LY75: variants seen among roughly 807,000 people sequenced by gnomAD.
The protein encoded by LY75 is C-type lectin domain family 13 member B.
In LY75, 185 loss-of-function variants were observed where a neutral mutation model predicts 231.7. That is an observed-to-expected ratio of 0.80 (90% CI 0.71 to 0.90). The LOEUF (loss-of-function observed/expected upper bound fraction) is 0.90, where lower values mean the gene tolerates loss of function less well. Among genes scored for constraint, LY75 ranks in the 40% least tolerant of loss-of-function variants. The pLI is 0.00. For synonymous variants in LY75, 668 were observed against 689.0 expected, an observed-to-expected ratio of 0.97 and a Z score of 0.48; for missense variants, 1,947 against 2,050.2, an observed-to-expected ratio of 0.95 and a Z score of 0.97.
chr2:159,894,722 G>T (rs1427889077), intron 2 of LY75, among the ~76,000 whole-genome samples: 1 of 152,200 alleles, frequency 6.6e-6, no homozygotes, highest in Admixed American at 6.5e-5. Context: ...TGTGAAAGAA[G>T]CAGCAGCTTC....
chr2:159,821,739 T>C (rs1303470536), intron 28 of LY75, among the ~76,000 whole-genome samples: 1 of 152,106 alleles, frequency 6.6e-6, no homozygotes, highest in Non-Finnish European at 1.5e-5. Flanking sequence ...TTGTGATGGA[T>C]TGCTGGCAAG....
intron 2 of LY75, among the ~76,000 whole-genome samples, chr2:159,895,175 C>A (rs1247480944): frequency 6.6e-6 from 1 of 152,150 alleles, no homozygotes; most frequent in African/African-American, 2.4e-5. Context: ...CATTTAACAG[C>A]TTAGAATGTA....
chr2:159,825,671 G>T (rs1284678989), intron 28 of LY75, among the ~76,000 whole-genome samples: 1 of 152,106 alleles, frequency 6.6e-6, no homozygotes, highest in Non-Finnish European at 1.5e-5. Context: ...AAAATTTCAG[G>T]CCAATATCTC....
Position 159,854,401 on chromosome 2 carries a change from A to G in LY75, c.2554T>C (p.Ser852Pro), listed in dbSNP as rs750522142. Residue 852 changes from serine to proline, a missense_variant, in exon 18 of 35, where the codon TCT becomes CCT. Coordinates refer to ENST00000263636, the MANE Select transcript of LY75 (RefSeq NM_002349.4). ...SNHSFLATIT[S>P]FVGLKAIKNK... ...TTGATGGCTTTTAGTCCCACAAAAG[A>G]TGTTATAGTTGCAAGAAAGCTGTGA... 1 of 1,543,322 alleles carries G rather than the reference A, an allele frequency of 6.5e-7. No homozygotes were observed. Among genetic ancestry groups the G allele is most frequent in the Non-Finnish European group, 8.8e-7 (1 of 1,137,772 alleles).
chr2:159,811,336 C>T lies in LY75; in HGVS notation c.4550-661G>A, dbSNP rs79316184. Among the ~76,000 whole-genome samples, 1,306 of 152,274 alleles carry T rather than the reference C, an allele frequency of 8.6e-3. 19 individuals carry two copies. Among genetic ancestry groups the T allele is most frequent in the South Asian group, 0.024 (114 of 4,828 alleles). ...AAAGACTAGGAGTGGCTTCTTAGCT[C>T]TTAAAAATGCCCCTGGTTTCCATTT... On this transcript the variant is annotated intron_variant, in intron 31 of 34. Transcript: ENST00000263636.
At chr2:159,887,390 T>C (rs899397465) in intron 4 of LY75, among the ~76,000 whole-genome samples, 1 of 151,062 alleles carries the variant, frequency 6.6e-6, no homozygotes, top group East Asian at 1.9e-4. Context: ...AAACCCTGTC[T>C]CTACTAAAAA....
intron 9 of LY75, 147 bp downstream of exon 9, chr2:159,879,112 C>T (rs1369408308): frequency 2.3e-6 from 2 of 871,956 alleles, no homozygotes; most frequent in African/African-American, 3.4e-5. Context: ...CTATGACTCA[C>T]TGCCTTCTGG....
At chr2:159,883,928 T>G (rs1685511331) in intron 6 of LY75, among the ~76,000 whole-genome samples, 1 of 152,158 alleles carries the variant, frequency 6.6e-6, no homozygotes, top group Non-Finnish European at 1.5e-5. Context: ...AGCAGGACAT[T>G]TAAAAATCAT....
intron 31 of LY75, chr2:159,812,318 G>A (rs1354649200): frequency 2.1e-5 from 3 of 143,930 alleles, no homozygotes; most frequent in Non-Finnish European, 4.5e-5. Flanking sequence ...GGCTTGCATC[G>A]TGGTAAGTGT....
chr2:159,852,204 A>G lies in LY75; in HGVS notation c.2880T>C (p.Asn960=). The change falls in exon 21 of 35, where the codon AAT becomes AAC. Residue 960 remains asparagine, a synonymous_variant. Coordinates refer to ENST00000263636, the MANE Select transcript of LY75 (RefSeq NM_002349.4). ...QCSEQWIPFQ[N]KCFLKIKPVS... is the part of the protein sequence containing the mutation. The stretch of plus-strand genomic sequence containing the variant: ...AATGTAGCAATTCTCTTTTTACCTT[A>G]TTCTGAAAAGGAATCCATTGCTCAG... 3 of 1,613,298 alleles carry G rather than the reference A, an allele frequency of 1.9e-6. No homozygotes were observed. The highest frequency in any genetic ancestry group is 2.2e-5 in the South Asian group (2 of 90,914).
At chr2:159,876,537 G>A (rs571082347) in intron 11 of LY75, among the ~76,000 whole-genome samples, 2 of 152,150 alleles carry the variant, frequency 1.3e-5, no homozygotes, top group African/African-American at 4.8e-5. Context: ...TCTATCCACG[G>A]TGTGCCCATG....
chr2:159,856,236 G>A (rs1040686869), intron 16 of LY75, among the ~76,000 whole-genome samples: 2 of 152,136 alleles, frequency 1.3e-5, no homozygotes, highest in South Asian at 4.1e-4. Context: ...GGCATCATAG[G>A]TAATTTTCCT....
chr2:159,837,626 C>A (rs545990538), intron 25 of LY75, among the ~76,000 whole-genome samples: 1 of 140,518 alleles, frequency 7.1e-6, no homozygotes, highest in Non-Finnish European at 1.5e-5. Context: ...TGCATGTGTA[C>A]CCCCTGAATC....
At position 159,898,335 on chromosome 2, in the gene LY75, T is replaced by C. The variant is rs914337881; in HGVS notation, c.466+353A>G. The stretch of plus-strand genomic sequence containing the variant: ...TCAACATTATTAGATCATTTGACTT[T>C]TAGCCTGTACAAATCTAATGATTCC... On this transcript the variant is annotated intron_variant, in intron 2 of 34. Coordinates refer to ENST00000263636, the MANE Select transcript of LY75 (RefSeq NM_002349.4). Among the ~76,000 whole-genome samples, 6 of 140,492 alleles carry C rather than the reference T, an allele frequency of 4.3e-5. 1 individual carries two copies. The highest frequency in any genetic ancestry group is 3.9e-4 in the Admixed American group (5 of 12,926). The allele number at this position is 140,492 out of a possible 152,430, so 92.2% of individuals were successfully genotyped here. A position where few individuals can be genotyped will look rare whatever the true frequency, so the allele number is the denominator to read the frequency against.
chr2:159,805,004 C>T lies in LY75; in HGVS notation c.*40G>A. 1 of 1,522,868 alleles carries T rather than the reference C, an allele frequency of 6.6e-7. No individual in the cohort carries two copies. Among genetic ancestry groups the T allele is most frequent in the South Asian group, 1.1e-5 (1 of 87,306 alleles). The allele number at this position is 1,522,868 out of a possible 1,614,324, so 94.3% of individuals were successfully genotyped here. On this transcript the variant is annotated 3_prime_UTR_variant, in exon 35 of 35. Coordinates refer to ENST00000263636, the MANE Select transcript of LY75 (RefSeq NM_002349.4). ...GGGACATTTTAAGTGACTAATTTCT[C>T]ATAACACATTAGTGCAAATTAGAAA...
At chr2:159,831,009 A>T (rs1683638800) in intron 28 of LY75, among the ~76,000 whole-genome samples, 1 of 152,244 alleles carries the variant, frequency 6.6e-6, no homozygotes, top group Non-Finnish European at 1.5e-5. Flanking sequence ...TAGTGGAAAC[A>T]AAAAATAAGT....
intron 13 of LY75, among the ~76,000 whole-genome samples, chr2:159,869,138 G>C (rs947843529): frequency 6.6e-6 from 1 of 151,980 alleles, no homozygotes; most frequent in Non-Finnish European, 1.5e-5. Flanking sequence ...ATCACACACC[G>C]GGACCTGTTG....
At chr2:159,856,156 C>T (rs1189308078) in intron 16 of LY75, among the ~76,000 whole-genome samples, 1 of 152,042 alleles carries the variant, frequency 6.6e-6, no homozygotes, top group African/African-American at 2.4e-5. Flanking sequence ...GTTTTTTATA[C>T]AAGATTGCAA....
intron 3 of LY75, among the ~76,000 whole-genome samples, chr2:159,890,965 A>G (rs1685736065): frequency 6.6e-6 from 1 of 152,220 alleles, no homozygotes; most frequent in Admixed American, 6.6e-5. Flanking sequence ...GCATAGAAAC[A>G]TATATACATA....
Sources: gnomAD v4.1 joint callset for allele counts (sites outside exome capture counted in the v4.1 genomes callset) on GRCh38, gnomAD v4.1.1 for gene constraint, MANE v1.5 for transcripts, NCBI Gene and HGNC (gene_info 2026-07-23, HGNC 2026-07-21) for gene names.